The following COL23A1 variants were observed in gnomAD, a reference collection of about 807,000 sequenced individuals.
COL23A1 encodes the protein collagen alpha-1(XXIII) chain.
COL23A1 carries 97 observed loss-of-function variants against 99.3 expected under a neutral mutation model. That is an observed-to-expected ratio of 0.98 (90% CI 0.83 to 1.16). The LOEUF is 1.16. COL23A1 is among the 50% of genes most tolerant of loss of function. The pLI is 0.00. For missense variants in COL23A1, 762 were observed against 757.4 expected (o/e 1.01, Z -0.07); for synonymous variants, 320 against 308.2 (o/e 1.04, Z -0.40).
intron 2 of COL23A1, among the ~76,000 whole-genome samples, chr5:178,355,744 C>G (rs548535654): frequency 3.3e-5 from 5 of 152,322 alleles, no homozygotes; most frequent in African/African-American, 1.2e-4. Context: ...CCCGCCTCGG[C>G]CTCCCAAAGT....
In COL23A1 at chr5:178,281,129, A is replaced by C. The variant is rs938220323; in HGVS notation, c.441+7195T>G. ...TCGGCTTTCATCCGGTCTCAGCTTCACTAGAATCTGGGGATTGTGGGGTGG... is the reference window on the plus strand; with the variant it reads ...TCGGCTTTCATCCGGTCTCAGCTTCCCTAGAATCTGGGGATTGTGGGGTGG... On this transcript the variant is annotated intron_variant, in intron 5 of 28. Transcript: ENST00000390654. The surrounding 1 kb of genome is among the most constrained non-coding windows in gnomAD (Gnocchi z 4.0). Among the ~76,000 whole-genome samples, 1 of 152,186 alleles carries C rather than the reference A, an allele frequency of 6.6e-6. No individual in the cohort carries two copies. The highest frequency in any genetic ancestry group is 2.1e-4 in the South Asian group (1 of 4,824).
At chr5:178,330,080 A>G (rs1406430637) in intron 2 of COL23A1, among the ~76,000 whole-genome samples, 1 of 152,180 alleles carries the variant, frequency 6.6e-6, no homozygotes, top group Non-Finnish European at 1.5e-5. Context: ...TCTGGCTGGA[A>G]GGTCCCAGGA....
chr5:178,581,702 T>TAACA (rs1410676495), intron 1 of COL23A1, among the ~76,000 whole-genome samples: 1 of 152,022 alleles, frequency 6.6e-6, no homozygotes, highest in African/African-American at 2.4e-5. Context: ...TTATCTGCAC[T>TAACA]AACAAAAATA....
At chr5:178,318,317 G>C (rs1181089675) in intron 2 of COL23A1, among the ~76,000 whole-genome samples, 1 of 152,230 alleles carries the variant, frequency 6.6e-6, no homozygotes, top group Non-Finnish European at 1.5e-5. Context: ...GGTACTGACT[G>C]GGACTCCTTT....
Position 178,550,767 on chromosome 5 carries a change from C to T in COL23A1, c.361+9915G>A, listed in dbSNP as rs139248461. Among the ~76,000 whole-genome samples the T allele has an allele frequency of 6.1e-3, 934 of 152,160 alleles. 14 individuals carry two copies. Among genetic ancestry groups the T allele is most frequent in the African/African-American group, 0.02 (848 of 41,494 alleles). Reference sequence around the variant, plus strand: ...TAGGGGGGCGTGTGATAATGACACCCCACAGAGTAAAAGGCTGCACCTGTC... The same window carrying T: ...TAGGGGGGCGTGTGATAATGACACCTCACAGAGTAAAAGGCTGCACCTGTC... On this transcript the variant is annotated intron_variant, in intron 2 of 28. Coordinates refer to ENST00000390654, the MANE Select transcript of COL23A1 (RefSeq NM_173465.4).
intron 2 of COL23A1, among the ~76,000 whole-genome samples, chr5:178,456,460 A>G (rs1349694321): frequency 1.3e-5 from 2 of 152,226 alleles, no homozygotes; most frequent in African/African-American, 4.8e-5. Flanking sequence ...GCACTTTGAG[A>G]GGCTGAGCTG....
At chr5:178,523,768 TCAATGCAGG>T (rs1308595403) in intron 2 of COL23A1, 1 of 152,184 alleles carries the variant, frequency 6.6e-6, no homozygotes, top group Non-Finnish European at 1.5e-5. Flanking sequence ...GAGACTCTGC[TCAATGCAGG>T]CAACGCACAT....
At chr5:178,262,393 C>T in intron 9 of COL23A1, 141 bp from the exon 10 acceptor site, 1 of 741,720 alleles carries the variant, frequency 1.3e-6, no homozygotes, top group Non-Finnish European at 2.2e-6. Flanking sequence ...GCGAGTATCA[C>T]TGTCCCCACT....
intron 2 of COL23A1, among the ~76,000 whole-genome samples, chr5:178,394,903 G>A (rs1581301472): frequency 6.7e-6 from 1 of 150,280 alleles, no homozygotes; most frequent in Non-Finnish European, 1.5e-5. Flanking sequence ...GCTGTCCTCC[G>A]AGAGTCTCTC....
chr5:178,563,564 C>T (rs1762710251), intron 1 of COL23A1, among the ~76,000 whole-genome samples: 1 of 133,786 alleles, frequency 7.5e-6, no homozygotes, highest in Admixed American at 8.1e-5. Flanking sequence ...CAGGGTCTCA[C>T]TCTGTCATCC....
intron 2 of COL23A1, among the ~76,000 whole-genome samples, chr5:178,341,980 G>T (rs1019572172): frequency 3.3e-5 from 5 of 152,002 alleles, no homozygotes; most frequent in African/African-American, 1.2e-4. Flanking sequence ...ACCATTTTTC[G>T]TAACACACCG....
rs33991455 is a variant in COL23A1 at position 178,578,121 on chromosome 5, G to GCA, written c.294+11781_294+11782dup. Among the ~76,000 whole-genome samples, 17 of 146,254 alleles carry GCA rather than the reference G, an allele frequency of 1.2e-4. No individual in the cohort carries two copies. In the East Asian group the frequency reaches 3.3e-3, roughly 28 times the overall value. ...CACACGCCCACATGCACACATTCATGCACACACACACATGCATGCACACAC... is the reference window on the plus strand; with the variant it reads ...CACACGCCCACATGCACACATTCATGCACACACACACACATGCATGCACACAC... On this transcript the variant is annotated intron_variant, in intron 1 of 28. Coordinates refer to ENST00000390654, the MANE Select transcript of COL23A1 (RefSeq NM_173465.4).
chr5:178,425,220 C>T (rs1183010293), intron 2 of COL23A1, among the ~76,000 whole-genome samples: 2 of 152,006 alleles, frequency 1.3e-5, no homozygotes, highest in Non-Finnish European at 1.5e-5. Flanking sequence ...GTCAGGAGTT[C>T]GAGACCAGCC....
At chr5:178,500,675 A>T (rs558121262) in intron 2 of COL23A1, among the ~76,000 whole-genome samples, 20 of 151,760 alleles carry the variant, frequency 1.3e-4, no homozygotes, top group African/African-American at 4.3e-4. Flanking sequence ...TTGGATCCCT[A>T]CCCCATAACA....
In COL23A1 at chr5:178,400,033, A is replaced by C. The variant is rs1764352819; in HGVS notation, c.362-93114T>G. Among the ~76,000 whole-genome samples, 4 of 152,296 alleles carry C rather than the reference A, an allele frequency of 2.6e-5. No individual in the cohort carries two copies. In the South Asian group the frequency reaches 8.3e-4, roughly 32 times the overall value. On this transcript the variant is annotated intron_variant, in intron 2 of 28. Transcript: ENST00000390654. ...GAACCAGCAAGAACAGTCGGAGCCC[A>C]ATTGGAACACCTCTATCTTTTAAAT...
chr5:178,255,223 A>T lies in COL23A1; in HGVS notation c.883-197T>A, dbSNP rs2127543281. On this transcript the variant is annotated intron_variant, in intron 15 of 28. Coordinates refer to ENST00000390654, the MANE Select transcript of COL23A1 (RefSeq NM_173465.4). This position sits in a 1 kb window ranked among gnomAD's most constrained non-coding sequence, Gnocchi z 4.2. ...GTGGCCAGCTGAGAGACCTGTTTCC[A>T]CCTGGTCTGAGGGGCGGCTGTAATT... is the stretch of plus-strand genomic sequence containing the variant. 6.6e-6 allele frequency among the ~76,000 whole-genome samples: 1 copy of T among 151,770 alleles called. No individual in the cohort carries two copies. The highest frequency in any genetic ancestry group is 2.0e-4 in the East Asian group (1 of 5,092).
chr5:178,416,107 A>AT (rs1355031686), intron 2 of COL23A1, among the ~76,000 whole-genome samples: 1 of 152,168 alleles, frequency 6.6e-6, no homozygotes, highest in Non-Finnish European at 1.5e-5. Context: ...TCATTCATTC[A>AT]TTCATTCGCT....
intron 2 of COL23A1, among the ~76,000 whole-genome samples, chr5:178,338,917 C>T (rs1312619828): frequency 6.6e-6 from 1 of 152,194 alleles, no homozygotes; most frequent in African/African-American, 2.4e-5. Context: ...CAGAGACAGG[C>T]TGAGGCTTGT....
chr5:178,317,098 AAGTC>A (rs1759022541), intron 2 of COL23A1, among the ~76,000 whole-genome samples: 1 of 152,226 alleles, frequency 6.6e-6, no homozygotes, highest in South Asian at 2.1e-4. Flanking sequence ...ATTCATAAAT[AAGTC>A]AGTCTCTGTT....
Sources: gnomAD v4.1 joint callset for allele counts (sites outside exome capture counted in the v4.1 genomes callset) on GRCh38, gnomAD v4.1.1 for gene constraint, Gnocchi (gnomAD v3.1) non-coding constraint, MANE v1.5 for transcripts, NCBI Gene and HGNC (gene_info 2026-07-23, HGNC 2026-07-21) for gene names.